SHTN1: variants seen among roughly 807,000 people sequenced by gnomAD.
The protein encoded by SHTN1 is shootin 1.
A neutral mutation model predicts 83.1 loss-of-function variants in SHTN1; 42 were observed. The ratio of observed to expected loss-of-function variants is 0.51; its 90% CI spans 0.39 to 0.65. The LOEUF (loss-of-function observed/expected upper bound fraction) is 0.65, where lower values mean the gene tolerates loss of function less well. SHTN1 is among the 30% of genes least tolerant of loss of function. The pLI, the probability that SHTN1 is intolerant of heterozygous loss-of-function variation, is 0.00. For missense variants in SHTN1, 622 were observed against 737.8 expected, an observed-to-expected ratio of 0.84 and a Z score of 1.82; for synonymous variants, 224 against 247.7, an observed-to-expected ratio of 0.90 and a Z score of 0.90.
intron 4 of SHTN1, 28 bp downstream of exon 4, chr10:116,960,108 G>C (rs777092854): frequency 2.9e-6 from 4 of 1,377,814 alleles, no homozygotes; most frequent in Admixed American, 1.7e-5. Flanking sequence ...TAAAAGCTCA[G>C]GTAAAATTCC....
intron 1 of SHTN1, among the ~76,000 whole-genome samples, chr10:117,059,383 CT>C (rs1406310939): frequency 6.6e-6 from 1 of 152,172 alleles, no homozygotes; most frequent in Non-Finnish European, 1.5e-5. Flanking sequence ...GAAATGAATA[CT>C]TATGAATACT....
intron 16 of SHTN1, among the ~76,000 whole-genome samples, chr10:116,890,456 A>G (rs144303413): frequency 1.7e-3 from 255 of 152,328 alleles, no homozygotes; most frequent in Admixed American, 3.3e-3. Context: ...ACACAGGACT[A>G]AACTAGTGGA....
intron 1 of SHTN1, among the ~76,000 whole-genome samples, chr10:117,000,930 T>G (rs1589886753): frequency 1.3e-5 from 2 of 152,196 alleles, no homozygotes; most frequent in African/African-American, 4.8e-5. Flanking sequence ...GCACAGTGCC[T>G]GGCTATGAAT....
chr10:117,017,553 T>C (rs889716330), intron 2 of SHTN1, among the ~76,000 whole-genome samples: 1 of 150,820 alleles, frequency 6.6e-6, no homozygotes, highest in Non-Finnish European at 1.5e-5. Flanking sequence ...AAAGATTAGA[T>C]AAATATCCAT....
rs551104583 is a variant in SHTN1, at chr10:116,941,762, C to T, written c.712-1150G>A. On this transcript the variant is annotated intron_variant, in intron 8 of 16. Coordinates refer to ENST00000355371, the MANE Select transcript of SHTN1 (RefSeq NM_001127211.3). ...AAGACCACAGCTTTAATGATTTATA[C>T]AATCCTTAAGCTCTTGATCAGTATC... is the stretch of plus-strand genomic sequence containing the variant. 7.2e-5 allele frequency among the ~76,000 whole-genome samples: 11 copies of T among 152,280 alleles called. No homozygotes were observed. In the South Asian group the frequency reaches 2.3e-3, roughly 32 times the overall value.
intron 9 of SHTN1, among the ~76,000 whole-genome samples, chr10:116,935,275 C>T (rs1406770160): frequency 6.6e-6 from 1 of 152,204 alleles, no homozygotes; most frequent in Non-Finnish European, 1.5e-5. Flanking sequence ...AGCTTTTGCT[C>T]ATTCAGTATG....
At chr10:117,036,590 T>C (rs750311741) in intron 2 of SHTN1, among the ~76,000 whole-genome samples, 5 of 152,070 alleles carry the variant, frequency 3.3e-5, no homozygotes, top group Non-Finnish European at 7.4e-5. Context: ...TCAAAACAAT[T>C]GAACTCATGG....
At chr10:116,939,251 A>C (rs1050316899) in intron 9 of SHTN1, among the ~76,000 whole-genome samples, 4 of 152,126 alleles carry the variant, frequency 2.6e-5, no homozygotes, top group Non-Finnish European at 4.4e-5. Flanking sequence ...TGTCTGCCCA[A>C]ATGGCCACCC....
chr10:117,055,677 G>A (rs1852817257), intron 1 of SHTN1, among the ~76,000 whole-genome samples: 1 of 152,220 alleles, frequency 6.6e-6, no homozygotes, highest in South Asian at 2.1e-4. Flanking sequence ...AGACCAGCCT[G>A]GGCAACATAG....
chr10:116,960,222 T>C lies in SHTN1; in HGVS notation c.181A>G (p.Met61Val), dbSNP rs893712308. 3.1e-6 allele frequency: 5 copies of C among 1,589,482 alleles called. No homozygotes were observed. Among genetic ancestry groups the C allele is most frequent in the South Asian group, 1.1e-5 (1 of 90,258 alleles). Reference sequence around the variant, plus strand: ...ATGAAATTAACTTCCTCTATGACCATGTGAGAAACTAGGAATGAGGGGGAA... The same window carrying C: ...ATGAAATTAACTTCCTCTATGACCACGTGAGAAACTAGGAATGAGGGGGAA... ...KLEEFQKISH[M>V]VIEEVNFMQN... Residue 61 changes from methionine to valine, a missense_variant, in exon 4 of 17, where the codon ATG (methionine) becomes GTG (valine). By Grantham distance (21) the Met-to-Val change is conservative. Transcript: ENST00000355371.
intron 14 of SHTN1, 133 bp downstream of exon 14, chr10:116,911,657 T>C (rs1848203656): frequency 6.4e-7 from 1 of 1,569,356 alleles, no homozygotes; most frequent in Non-Finnish European, 8.7e-7. Context: ...CACGATCAAA[T>C]AAACTGGCCA....
chr10:116,887,799 T>C (rs961749846), intron 16 of SHTN1, among the ~76,000 whole-genome samples: 6 of 152,192 alleles, frequency 3.9e-5, no homozygotes, highest in African/African-American at 1.4e-4. Flanking sequence ...ACTAAACGAA[T>C]GGGCAAATAC....
intron 2 of SHTN1, among the ~76,000 whole-genome samples, chr10:117,047,383 T>TAAA (rs5788205): frequency 4.6e-5 from 7 of 151,934 alleles, no homozygotes; most frequent in Admixed American, 6.6e-5. Context: ...TATTTTTTTT[T>TAAA]AAAAATAATC....
chr10:117,114,319 C>A (rs1324718116), intron 1 of SHTN1, among the ~76,000 whole-genome samples: 1 of 152,018 alleles, frequency 6.6e-6, no homozygotes, highest in Non-Finnish European at 1.5e-5. Flanking sequence ...AGCCAGGCAC[C>A]AAGCTAGCTT....
intron 5 of SHTN1, among the ~76,000 whole-genome samples, chr10:116,953,623 GTTTTTT>G (rs759706275): frequency 1.3e-3 from 122 of 92,726 alleles, no homozygotes; most frequent in Admixed American, 1.9e-3. Context: ...TTTGTGTTTT[GTTTTTT>G]TTTTTTTTTT....
chr10:116,967,624 G>A lies in SHTN1; in HGVS notation c.172+1028C>T, dbSNP rs556278068. Among the ~76,000 whole-genome samples the A allele has an allele frequency of 9.1e-4, 138 of 151,888 alleles. 2 individuals are homozygous for A. The South Asian group carries it at 0.022, about 25-fold the overall frequency. ...TTCTTTTGTAGTAACATCACGTAAC[G>A]TAAGATCTACCCTCTTAGTAAATTT... On this transcript the variant is annotated intron_variant, in intron 3 of 16. Transcript: ENST00000355371.
chr10:117,052,175 A>G (rs927788225), intron 1 of SHTN1, among the ~76,000 whole-genome samples: 1 of 151,528 alleles, frequency 6.6e-6, no homozygotes, highest in African/African-American at 2.4e-5. Flanking sequence ...AATTCCTTTT[A>G]TAATAGCATC....
intron 12 of SHTN1, among the ~76,000 whole-genome samples, chr10:116,918,551 G>T (rs946610455): frequency 4.6e-5 from 7 of 152,202 alleles, no homozygotes; most frequent in South Asian, 2.1e-4. Flanking sequence ...TCTGACATCA[G>T]GTCATAAAGT....
chr10:116,892,698 A>C (rs1344829674), intron 16 of SHTN1, among the ~76,000 whole-genome samples: 6 of 152,228 alleles, frequency 3.9e-5, no homozygotes, highest in Admixed American at 3.9e-4. Context: ...ATTACTTTTC[A>C]TAGAGCTATA....
Sources: allele counts gnomAD v4.1 joint callset (sites outside exome capture counted in the v4.1 genomes callset), GRCh38; gene constraint gnomAD v4.1.1; transcripts MANE v1.5; gene names NCBI Gene and HGNC (gene_info 2026-07-23, HGNC 2026-07-21).